The following ATPAF1 variants were observed in gnomAD, a reference collection of about 807,000 sequenced individuals.
The protein encoded by ATPAF1 is ATP synthase mitochondrial F1 complex assembly factor 1, also known as homolog of yeast ATP11.
ATPAF1 carries 26 observed loss-of-function variants against 43.9 expected under a neutral mutation model. That is an observed-to-expected ratio of 0.59 (90% CI 0.43 to 0.82). The LOEUF (loss-of-function observed/expected upper bound fraction) is 0.82. ATPAF1 is among the 40% of genes least tolerant of loss of function. The probability of loss-of-function intolerance (pLI) is 0.00; values close to 1 mark genes in which losing one functional copy is unlikely to be tolerated. For missense variants in ATPAF1, 366 were observed against 435.0 expected (o/e 0.84, Z 1.41); for synonymous variants, 157 against 168.0 (o/e 0.93, Z 0.50).
chr1:46,660,716 G>A lies in ATPAF1; in HGVS notation c.376-1979C>T, dbSNP rs117349419. Among the ~76,000 whole-genome samples the A allele has an allele frequency of 9.8e-4, 149 of 152,024 alleles. 4 individuals carry two copies. In the East Asian group the frequency reaches 0.025, roughly 26 times the overall value. On this transcript the variant is annotated intron_variant, in intron 2 of 8. Transcript: ENST00000574428. The stretch of plus-strand genomic sequence containing the variant: ...AAGCATTTAATAAGAACTTTAAATG[G>A]GTATTTTACTTCCCTACTATGGATG...
At chr1:46,655,567 T>C (rs1569623928) in intron 4 of ATPAF1, among the ~76,000 whole-genome samples, 1 of 152,266 alleles carries the variant, frequency 6.6e-6, no homozygotes, top group Non-Finnish European at 1.5e-5. Context: ...ATGTCTTTTA[T>C]AGTATACATA....
intron 7 of ATPAF1, among the ~76,000 whole-genome samples, chr1:46,644,146 C>A (rs1302512115): frequency 1.3e-5 from 2 of 152,132 alleles, no homozygotes; most frequent in Non-Finnish European, 2.9e-5. Context: ...GTTTCTGGAT[C>A]TTTCTCCTAA....
chr1:46,664,116 A>G (rs899864945), intron 2 of ATPAF1, among the ~76,000 whole-genome samples: 2 of 152,202 alleles, frequency 1.3e-5, no homozygotes, highest in African/African-American at 4.8e-5. Context: ...AATGTAAAAT[A>G]TATTTCTTAT....
chr1:46,656,095 G>A (rs1330837637), intron 4 of ATPAF1, among the ~76,000 whole-genome samples: 5 of 152,228 alleles, frequency 3.3e-5, no homozygotes, highest in African/African-American at 9.7e-5. Flanking sequence ...TTAACCCAGG[G>A]TAGGGAAGAG....
Position 46,653,705 on chromosome 1 carries a change from G to A in ATPAF1, c.540+112C>T. Reference sequence around the variant, plus strand: ...ATAAAAACTCTCAGGGCTGTAAAATGCAGCTTCTCAAGAGGCAATAAACAT... The same window carrying A: ...ATAAAAACTCTCAGGGCTGTAAAATACAGCTTCTCAAGAGGCAATAAACAT... On this transcript the variant is annotated intron_variant, in intron 5 of 8. Coordinates refer to ENST00000574428, the Ensembl canonical transcript of ATPAF1. The surrounding 1 kb of genome is among the most constrained non-coding windows in gnomAD (Gnocchi z 4.8). The A allele has an allele frequency of 7.5e-6, 7 of 938,846 alleles. No individual in the cohort carries two copies. In the South Asian group the frequency reaches 1.3e-4, roughly 17 times the overall value. The allele number at this position is 938,846 out of a possible 1,614,324, so 58.2% of individuals were successfully genotyped here.
intron 2 of ATPAF1, chr1:46,663,976 G>C: frequency 9.2e-7 from 1 of 1,088,316 alleles, no homozygotes; most frequent in Non-Finnish European, 1.2e-6. Flanking sequence ...AGTGGATTGT[G>C]ATCAGAGTTT....
chr1:46,668,538 T>A, upstream of ATPAF1: 2 of 494,978 alleles, frequency 4.0e-6, no homozygotes, highest in East Asian at 1.5e-4. The surrounding 1 kb of genome is among the most constrained non-coding windows in gnomAD (Gnocchi z 4.4). Context: ...GCCCTGTGTA[T>A]GCCACGGCCC....
intron 6 of ATPAF1, among the ~76,000 whole-genome samples, chr1:46,650,909 A>G (rs1676153067): frequency 6.6e-6 from 1 of 152,136 alleles, no homozygotes; most frequent in Admixed American, 6.6e-5. Flanking sequence ...ACAAAAGTAC[A>G]GCTAGATGGG....
chr1:46,662,876 C>T (rs1359369330), intron 2 of ATPAF1, among the ~76,000 whole-genome samples: 6 of 152,116 alleles, frequency 3.9e-5, no homozygotes, highest in African/African-American at 1.4e-4. Flanking sequence ...TGGTGTGCTG[C>T]ACCCATTAAC....
intron 8 of ATPAF1, among the ~76,000 whole-genome samples, chr1:46,636,964 C>T (rs1028865610): frequency 4.6e-5 from 7 of 152,162 alleles, no homozygotes; most frequent in African/African-American, 7.2e-5. Flanking sequence ...AATCAACCTT[C>T]GGATGACTAT....
At chr1:46,633,160 C>CATTTTAAA (rs1675781266), downstream of ATPAF1, 2 of 153,638 alleles carry the variant, frequency 1.3e-5, no homozygotes, top group African/African-American at 4.8e-5. Flanking sequence ...ACGGTTGAGG[C>CATTTTAAA]CTGAGAATCT....
chr1:46,650,066 G>C (rs1676135297), intron 6 of ATPAF1, among the ~76,000 whole-genome samples: 1 of 152,144 alleles, frequency 6.6e-6, no homozygotes, highest in African/African-American at 2.4e-5. Context: ...AATCATTACT[G>C]ATACCAAGTT....
At chr1:46,663,314 G>T (rs1474554744) in intron 2 of ATPAF1, among the ~76,000 whole-genome samples, 1 of 152,152 alleles carries the variant, frequency 6.6e-6, no homozygotes, top group Non-Finnish European at 1.5e-5. Flanking sequence ...GGGATGGCTG[G>T]GTCAAATGGT....
At chr1:46,645,025 A>G (rs1354812176) in intron 7 of ATPAF1, 136 bp downstream of exon 7, 14 of 727,738 alleles carry the variant, frequency 1.9e-5, no homozygotes, top group Non-Finnish European at 2.9e-5. Context: ...CACAAAAAGT[A>G]TGACAATTCA....
chr1:46,637,787 T>G (rs985795900), intron 8 of ATPAF1, among the ~76,000 whole-genome samples: 1 of 152,170 alleles, frequency 6.6e-6, no homozygotes, highest in Non-Finnish European at 1.5e-5. Context: ...ATTTTAGAGC[T>G]AGAAGGGACC....
At chr1:46,654,528 T>TTTATTTATTTTA (rs1553218331) in intron 4 of ATPAF1, among the ~76,000 whole-genome samples, 2 of 135,282 alleles carry the variant, frequency 1.5e-5, no homozygotes, top group African/African-American at 6.0e-5. Flanking sequence ...TATTTATTTA[T>TTTATTTATTTTA]TTATTATTAT....
rs1306718204 is a variant in ATPAF1, at chr1:46,663,845, T to G, written c.375+1411A>C. ...CTACTGTAACTACCTTAATTCAGGC[T>G]TCTGCAGCCCACACCTGGATTACTC... On this transcript the variant is annotated intron_variant, in intron 2 of 8. Coordinates refer to ENST00000574428, the Ensembl canonical transcript of ATPAF1. 3 of 1,224,848 alleles carry G rather than the reference T, an allele frequency of 2.4e-6. No individual in the cohort carries two copies. The African/African-American group carries it at 4.7e-5, about 19-fold the overall frequency. 75.9% of individuals were successfully genotyped at this position (1,224,848 alleles called of 1,614,324 possible).
intron 6 of ATPAF1, among the ~76,000 whole-genome samples, chr1:46,647,571 T>C (rs893419336): frequency 6.6e-6 from 1 of 152,150 alleles, no homozygotes; most frequent in Non-Finnish European, 1.5e-5. Flanking sequence ...TGACAGACAT[T>C]TGCATTGTTT....
At chr1:46,663,932 G>T (rs976384858) in intron 2 of ATPAF1, 1 of 1,275,658 alleles carries the variant, frequency 7.8e-7, no homozygotes, top group Non-Finnish European at 1.0e-6. Context: ...TCCTAGGTTA[G>T]AATTTTTCAA....
Sources: allele counts gnomAD v4.1 joint callset (sites outside exome capture counted in the v4.1 genomes callset), GRCh38; gene constraint gnomAD v4.1.1; non-coding constraint Gnocchi (gnomAD v3.1); transcripts MANE v1.5; gene names NCBI Gene and HGNC (gene_info 2026-07-23, HGNC 2026-07-21).